RAD51B: variants seen among roughly 807,000 people sequenced by gnomAD.
RAD51B encodes RAD51 paralog B, also known as DNA repair protein RAD51 homolog 2.
In RAD51B, 38 loss-of-function variants were observed where a neutral mutation model predicts 42.2. That is an observed-to-expected ratio of 0.90 (90% confidence interval 0.70 to 1.18). The LOEUF (loss-of-function observed/expected upper bound fraction) is 1.18. RAD51B is among the 50% of genes most tolerant of loss of function. RAD51B has a pLI of 0.00. For missense variants in RAD51B, 373 were observed against 400.7 expected (o/e 0.93, Z 0.59); for synonymous variants, 154 against 145.2 (o/e 1.06, Z -0.43).
intron 7 of RAD51B, among the ~76,000 whole-genome samples, chr14:67,989,635 CAAAAAAAAAA>C (rs764608072): frequency 3.0e-5 from 2 of 66,904 alleles, no homozygotes; most frequent in Admixed American, 1.7e-4. Flanking sequence ...AACTCTGTCT[CAAAAAAAAAA>C]AAAAAAAAAA....
chr14:68,594,654 C>A (rs1890913977), exon 11 of RAD51B: 1 of 1,278,324 alleles, frequency 7.8e-7, no homozygotes, highest in Non-Finnish European at 1.0e-6. Context: ...ATCTCAAACT[C>A]CTGGCTTCAA....
chr14:68,227,345 A>T (rs2080059684), intron 7 of RAD51B, among the ~76,000 whole-genome samples: 1 of 152,136 alleles, frequency 6.6e-6, no homozygotes, highest in Non-Finnish European at 1.5e-5. Flanking sequence ...TTGGGGTCCA[A>T]GGCCAGTTAT....
intron 10 of RAD51B, among the ~76,000 whole-genome samples, chr14:68,648,157 A>ATATATATATATACACACACG (rs1892622402): frequency 2.3e-5 from 3 of 132,616 alleles, no homozygotes; most frequent in African/African-American, 8.6e-5. Context: ...ACACACACGT[A>ATATATATATATACACACACG]TATATATATA....
chr14:68,356,982 C>CAAAAAA (rs34774624), intron 8 of RAD51B, among the ~76,000 whole-genome samples: 2 of 92,276 alleles, frequency 2.2e-5, no homozygotes, highest in African/African-American at 4.1e-5. Flanking sequence ...GACTCCGTCT[C>CAAAAAA]AAAAAAAAAA....
chr14:68,547,383 C>G (rs1888292265), intron 10 of RAD51B, among the ~76,000 whole-genome samples: 1 of 152,202 alleles, frequency 6.6e-6, no homozygotes, highest in African/African-American at 2.4e-5. Context: ...TCGGCACGTA[C>G]AGGCCAGGGA....
At chr14:68,677,062 G>A (rs2140160296) in intron 11 of RAD51B, among the ~76,000 whole-genome samples, 1 of 152,314 alleles carries the variant, frequency 6.6e-6, no homozygotes, top group East Asian at 1.9e-4. Context: ...TGTCATAGAT[G>A]AGGAAACTGA....
chr14:68,236,917 G>T (rs1049003754), intron 7 of RAD51B, among the ~76,000 whole-genome samples: 7 of 152,128 alleles, frequency 4.6e-5, no homozygotes, highest in Non-Finnish European at 1.0e-4. Flanking sequence ...TTAACTAATT[G>T]TAACAGTCTG....
At chr14:68,644,527 C>T (rs1382461301) in intron 10 of RAD51B, among the ~76,000 whole-genome samples, 1 of 152,216 alleles carries the variant, frequency 6.6e-6, no homozygotes, top group Admixed American at 6.5e-5. Flanking sequence ...TGGGGCTCTG[C>T]CTAGAAACAG....
intron 8 of RAD51B, among the ~76,000 whole-genome samples, chr14:68,302,572 C>T (rs1339063103): frequency 6.6e-6 from 1 of 152,098 alleles, no homozygotes; most frequent in Non-Finnish European, 1.5e-5. Flanking sequence ...TAAAGACTCA[C>T]ACAGAAATAT....
chr14:67,900,027 C>CTT, intron 7 of RAD51B, among the ~76,000 whole-genome samples: 1 of 152,162 alleles, frequency 6.6e-6, no homozygotes, highest in Non-Finnish European at 1.5e-5. Flanking sequence ...CTTTTCAATA[C>CTT]TTATTGTTTC....
chr14:68,164,097 C>T (rs146693487), intron 7 of RAD51B, among the ~76,000 whole-genome samples: 63 of 152,294 alleles, frequency 4.1e-4, no homozygotes, highest in African/African-American at 1.5e-3. Flanking sequence ...CCCAATTTTA[C>T]AGAGCAGAGA....
At chr14:67,912,181 C>G (rs2044006074) in intron 7 of RAD51B, among the ~76,000 whole-genome samples, 1 of 152,132 alleles carries the variant, frequency 6.6e-6, no homozygotes, top group Non-Finnish European at 1.5e-5. Context: ...ATTCAATTCA[C>G]AAATTAGATT....
intron 10 of RAD51B, among the ~76,000 whole-genome samples, chr14:68,639,950 C>A (rs1314336053): frequency 6.6e-6 from 1 of 151,956 alleles, no homozygotes; most frequent in Non-Finnish European, 1.5e-5. Context: ...TACAGGCGTG[C>A]ACCACCACAC....
intron 7 of RAD51B, among the ~76,000 whole-genome samples, chr14:68,101,258 G>A (rs1362345643): frequency 6.6e-6 from 1 of 152,000 alleles, no homozygotes; most frequent in Non-Finnish European, 1.5e-5. Flanking sequence ...TCCACCCCTG[G>A]CCCTTCCCAA....
At chr14:67,883,450 G>T (rs1029185107) in intron 5 of RAD51B, among the ~76,000 whole-genome samples, 1 of 151,228 alleles carries the variant, frequency 6.6e-6, no homozygotes, top group African/African-American at 2.4e-5. Flanking sequence ...TAGTCTCTTT[G>T]TTGTTTCTCA....
At chr14:67,833,866 A>G (rs964861613) in intron 3 of RAD51B, among the ~76,000 whole-genome samples, 1 of 151,998 alleles carries the variant, frequency 6.6e-6, no homozygotes, top group Non-Finnish European at 1.5e-5. Flanking sequence ...AGCTACCATT[A>G]TTTTTCTTTG....
chr14:68,449,690 C>G (rs1207369101), intron 9 of RAD51B, among the ~76,000 whole-genome samples: 1 of 152,098 alleles, frequency 6.6e-6, no homozygotes, highest in Non-Finnish European at 1.5e-5. Context: ...TATTGCTAAA[C>G]CTAGTTTTTG....
intron 10 of RAD51B, among the ~76,000 whole-genome samples, chr14:68,578,515 A>C (rs1251596846): frequency 6.6e-6 from 1 of 152,230 alleles, no homozygotes; most frequent in Non-Finnish European, 1.5e-5. Context: ...GGCCCACCTC[A>C]CACATGACTT....
chr14:68,204,000 A>G (rs975333949), intron 7 of RAD51B, among the ~76,000 whole-genome samples: 5 of 152,332 alleles, frequency 3.3e-5, no homozygotes, highest in African/African-American at 1.2e-4. Flanking sequence ...AATTCTCCCT[A>G]TGAGCAATAA....
Sources: allele counts gnomAD v4.1 joint callset (sites outside exome capture counted in the v4.1 genomes callset), GRCh38; gene constraint gnomAD v4.1.1; transcripts MANE v1.5; gene names NCBI Gene and HGNC (gene_info 2026-07-23, HGNC 2026-07-21).